The following ADAMTS17 variants were observed in gnomAD, a reference collection of about 807,000 sequenced individuals.
ADAMTS17 encodes ADAM metallopeptidase with thrombospondin type 1 motif 17.
ADAMTS17 carries 113 observed loss-of-function variants against 141.5 expected under a neutral mutation model. The observed-to-expected ratio is 0.80, with a 90% CI of 0.69 to 0.93. The LOEUF (loss-of-function observed/expected upper bound fraction) is 0.93, where lower values mean the gene tolerates loss of function less well. Ranked by LOEUF, ADAMTS17 falls within the 40% of genes least tolerant of loss-of-function variation. The probability of loss-of-function intolerance (pLI) is 0.00; values close to 1 mark genes in which losing one functional copy is unlikely to be tolerated. For missense variants in ADAMTS17, 1,659 were observed against 1,517.9 expected, an observed-to-expected ratio of 1.09 and a Z score of -1.54; for synonymous variants, 768 against 630.6, an observed-to-expected ratio of 1.22 and a Z score of -3.27.
intron 6 of ADAMTS17, among the ~76,000 whole-genome samples, chr15:100,254,556 T>G (rs775818958): frequency 2.0e-5 from 3 of 152,196 alleles, no homozygotes; most frequent in Non-Finnish European, 2.9e-5. Flanking sequence ...CCCAAGCTAC[T>G]CTATTTGGGC....
intron 3 of ADAMTS17, among the ~76,000 whole-genome samples, chr15:100,286,277 T>C (rs752716016): frequency 6.6e-6 from 1 of 152,096 alleles, no homozygotes; most frequent in Non-Finnish European, 1.5e-5. Flanking sequence ...GCAGAGCCCA[T>C]CCCACCGCCC....
At chr15:100,197,235 C>G (rs1349226983) in intron 8 of ADAMTS17, among the ~76,000 whole-genome samples, 1 of 152,230 alleles carries the variant, frequency 6.6e-6, no homozygotes, top group Non-Finnish European at 1.5e-5. Context: ...TGGCACTTAG[C>G]ATGTGCCATG....
At chr15:100,290,563 C>T (rs2044595132) in intron 3 of ADAMTS17, among the ~76,000 whole-genome samples, 1 of 152,008 alleles carries the variant, frequency 6.6e-6, no homozygotes, top group Non-Finnish European at 1.5e-5. Flanking sequence ...CAATTCTAAG[C>T]AAAAAGAACA....
intron 18 of ADAMTS17, among the ~76,000 whole-genome samples, chr15:100,043,522 C>A (rs558087081): frequency 3.3e-5 from 5 of 152,216 alleles, no homozygotes; most frequent in African/African-American, 9.7e-5. Context: ...GTGCCAATAT[C>A]TCAGTGGGCA....
In ADAMTS17 at chr15:100,007,963, G is replaced by C. The variant is rs955854842; in HGVS notation, c.2592-10374C>G. Among the ~76,000 whole-genome samples, 64 of 152,132 alleles carry C rather than the reference G, an allele frequency of 4.2e-4. 1 individual carries two copies. The highest frequency in any genetic ancestry group is 1.0e-4 in the Non-Finnish European group (7 of 68,010). ...GGGGGGAATGACAGCCTCCAGAAGA[G>C]ATGCAGAGGGGGTGACCGCCAGGTC... On this transcript the variant is annotated intron_variant, in intron 18 of 21. Transcript: ENST00000268070.
At chr15:100,039,975 T>A (rs144717293) in intron 18 of ADAMTS17, among the ~76,000 whole-genome samples, 2,370 of 152,294 alleles carry the variant, frequency 0.016, 60 homozygotes, top group African/African-American at 0.046. Flanking sequence ...GTAGTTTTTT[T>A]AAAAAAATCT....
At chr15:100,227,579 G>T (rs1373382019) in intron 7 of ADAMTS17, among the ~76,000 whole-genome samples, 1 of 152,232 alleles carries the variant, frequency 6.6e-6, no homozygotes, top group Admixed American at 6.5e-5. Context: ...ATGGCACATC[G>T]CTGGATGGAC....
Position 100,245,371 on chromosome 15 carries a change from C to A in ADAMTS17, c.1075+8765G>T, listed in dbSNP as rs563472558. 3.3e-5 allele frequency among the ~76,000 whole-genome samples: 5 copies of A among 152,328 alleles called. No individual in the cohort carries two copies. The South Asian group carries it at 1.0e-3, about 32-fold the overall frequency. Reference sequence around the variant, plus strand: ...CTCTGGGCCTGCATTTGAAAGGTCACGGCTGGAAACCCTGCAAGGGGAGCT... The same window carrying A: ...CTCTGGGCCTGCATTTGAAAGGTCAAGGCTGGAAACCCTGCAAGGGGAGCT... On this transcript the variant is annotated intron_variant, in intron 7 of 21. Transcript: ENST00000268070.
At chr15:100,303,629 T>G (rs1231357612) in intron 3 of ADAMTS17, among the ~76,000 whole-genome samples, 1 of 152,192 alleles carries the variant, frequency 6.6e-6, no homozygotes, top group Non-Finnish European at 1.5e-5. Flanking sequence ...CCTTAATTCT[T>G]AATTCTATTC....
intron 7 of ADAMTS17, among the ~76,000 whole-genome samples, chr15:100,233,245 G>A (rs944393920): frequency 5.3e-5 from 8 of 151,704 alleles, no homozygotes; most frequent in South Asian, 2.1e-4. Flanking sequence ...CAGGAGAATC[G>A]CTTGAACCCA....
At chr15:100,063,828 C>T (rs1299646830) in intron 15 of ADAMTS17, 19 of 1,121,322 alleles carry the variant, frequency 1.7e-5, no homozygotes, top group Admixed American at 2.3e-5. Context: ...CAGCATCCCC[C>T]GGCCAAAATC....
At chr15:100,139,870 T>C (rs2038535098) in intron 10 of ADAMTS17, among the ~76,000 whole-genome samples, 2 of 152,228 alleles carry the variant, frequency 1.3e-5, no homozygotes, top group South Asian at 2.1e-4. Flanking sequence ...GATCCTGGTA[T>C]ACAGAAAGGA....
intron 8 of ADAMTS17, among the ~76,000 whole-genome samples, chr15:100,161,059 G>A (rs1027299418): frequency 4.6e-5 from 7 of 152,220 alleles, no homozygotes; most frequent in African/African-American, 1.7e-4. Flanking sequence ...CTGTGGGGCT[G>A]AGGGCACAGA....
Position 99,976,158 on chromosome 15 carries a change from CCT to C in ADAMTS17, c.3012_3013del (p.Gly1005AlafsTer133), listed in dbSNP as rs2141262666. 1.3e-6 allele frequency: 2 copies of C among 1,550,742 alleles called. No individual in the cohort carries two copies. The highest frequency in any genetic ancestry group is 1.7e-6 in the Non-Finnish European group (2 of 1,146,988). ...GGCGGGGCACTCGCTGCCGTGGCGC[CCT>C]GTGACCTTGTGCATGCACTGCACCA... On this transcript the variant is annotated frameshift_variant, in exon 21 of 22. Coordinates refer to ENST00000268070, the MANE Select transcript of ADAMTS17 (RefSeq NM_139057.4). LOFTEE classifies it high-confidence loss of function.
intron 15 of ADAMTS17, among the ~76,000 whole-genome samples, chr15:100,091,458 G>A (rs1249724584): frequency 2.0e-5 from 3 of 152,158 alleles, no homozygotes; most frequent in Non-Finnish European, 4.4e-5. Context: ...CAATGCCTTT[G>A]CCGTGGTTCC....
At chr15:100,112,979 TG>T (rs2036884084) in intron 13 of ADAMTS17, among the ~76,000 whole-genome samples, 1 of 152,188 alleles carries the variant, frequency 6.6e-6, no homozygotes, top group African/African-American at 2.4e-5. Flanking sequence ...GGTCTTAGTA[TG>T]GTGGGGACAT....
chr15:100,182,003 G>A lies in ADAMTS17; in HGVS notation c.1181+17315C>T, dbSNP rs187272382. Among the ~76,000 whole-genome samples, 473 of 152,350 alleles carry A rather than the reference G, an allele frequency of 3.1e-3. 3 individuals are homozygous for A. The highest frequency in any genetic ancestry group is 0.011 in the African/African-American group (442 of 41,584). On this transcript the variant is annotated intron_variant, in intron 8 of 21. Coordinates refer to ENST00000268070, the MANE Select transcript of ADAMTS17 (RefSeq NM_139057.4). ...CCAAAACTCAAGTTCCAACCACTGGGATGGGTGATTCCTCTTCTAGCTAGG... is the reference window on the plus strand; with the variant it reads ...CCAAAACTCAAGTTCCAACCACTGGAATGGGTGATTCCTCTTCTAGCTAGG...
chr15:100,081,047 T>C (rs1018026777), intron 15 of ADAMTS17, among the ~76,000 whole-genome samples: 4 of 152,148 alleles, frequency 2.6e-5, no homozygotes, highest in African/African-American at 9.7e-5. Flanking sequence ...TCTGTGAGGG[T>C]GTTGCCAAAA....
rs373533908 is a variant in ADAMTS17, at chr15:100,248,067, C to T, written c.1075+6069G>A. Among the ~76,000 whole-genome samples the T allele has an allele frequency of 2.0e-4, 31 of 152,242 alleles. 1 individual carries two copies. The highest frequency in any genetic ancestry group is 6.5e-4 in the African/African-American group (27 of 41,548). On this transcript the variant is annotated intron_variant, in intron 7 of 21. Coordinates refer to ENST00000268070, the MANE Select transcript of ADAMTS17 (RefSeq NM_139057.4). ...AAGCCATGGGACCCTCAAGCCACAG[C>T]CGCTGGGCCCCAGCGCACAGACCAG...
Sources: allele counts gnomAD v4.1 joint callset (sites outside exome capture counted in the v4.1 genomes callset), GRCh38; gene constraint gnomAD v4.1.1; transcripts MANE v1.5; gene names NCBI Gene and HGNC (gene_info 2026-07-23, HGNC 2026-07-21).